The following LRRC69 variants were observed in gnomAD, a reference collection of about 807,000 sequenced individuals.
LRRC69 encodes leucine rich repeat containing 69.
A neutral mutation model predicts 37.8 loss-of-function variants in LRRC69; 42 were observed. That is an observed-to-expected ratio of 1.11 (90% confidence interval 0.87 to 1.44). The LOEUF (loss-of-function observed/expected upper bound fraction) is 1.44, where lower values mean the gene tolerates loss of function less well. Ranked by LOEUF, LRRC69 falls within the 40% of genes most tolerant of loss-of-function variation. LRRC69 has a pLI of 0.00. For missense variants in LRRC69, 357 were observed against 401.9 expected (o/e 0.89, Z 0.96); for synonymous variants, 141 against 143.1 (o/e 0.99, Z 0.11).
intron 5 of LRRC69, among the ~76,000 whole-genome samples, chr8:91,140,489 C>G (rs1808512571): frequency 6.6e-6 from 1 of 151,690 alleles, no homozygotes; most frequent in Non-Finnish European, 1.5e-5. Context: ...AGAGACTACA[C>G]TTTATTGTTT....
At chr8:91,210,230 T>G (rs1809883890) in intron 7 of LRRC69, among the ~76,000 whole-genome samples, 1 of 152,218 alleles carries the variant, frequency 6.6e-6, no homozygotes, top group Non-Finnish European at 1.5e-5. Flanking sequence ...TTAAGTAGTT[T>G]GTTCACAAAT....
At chr8:91,192,314 A>C (rs528183284) in intron 6 of LRRC69, among the ~76,000 whole-genome samples, 1 of 152,190 alleles carries the variant, frequency 6.6e-6, no homozygotes, top group African/African-American at 2.4e-5. Flanking sequence ...ATACGTGTGC[A>C]TGTGTCTTTA....
intron 5 of LRRC69, among the ~76,000 whole-genome samples, chr8:91,172,127 G>A (rs1482241153): frequency 1.3e-5 from 2 of 151,758 alleles, no homozygotes; most frequent in Non-Finnish European, 2.9e-5. Flanking sequence ...TGGCTATTTA[G>A]CCTTGATATA....
chr8:91,140,542 A>G (rs995940854), intron 5 of LRRC69, among the ~76,000 whole-genome samples: 4 of 151,864 alleles, frequency 2.6e-5, no homozygotes, highest in African/African-American at 4.8e-5. Context: ...AAAAAATTCA[A>G]TGTATACTGC....
intron 5 of LRRC69, among the ~76,000 whole-genome samples, chr8:91,159,045 A>T (rs960621357): frequency 6.6e-6 from 1 of 151,180 alleles, no homozygotes; most frequent in African/African-American, 2.4e-5. Context: ...GCATTTAAAA[A>T]AAGATCTATG....
intron 5 of LRRC69, chr8:91,158,076 A>C: frequency 6.9e-7 from 1 of 1,439,610 alleles, no homozygotes; most frequent in Non-Finnish European, 9.8e-7. Context: ...TACTCAATAC[A>C]TGCCCATGGG....
intron 5 of LRRC69, among the ~76,000 whole-genome samples, chr8:91,159,798 C>A (rs937648253): frequency 2.6e-5 from 4 of 151,080 alleles, no homozygotes; most frequent in African/African-American, 9.7e-5. Context: ...ATAGAGAAAT[C>A]TGGAAAAATC....
intron 6 of LRRC69, among the ~76,000 whole-genome samples, chr8:91,196,204 C>T (rs182499695): frequency 0.015 from 2,349 of 151,932 alleles, 90 homozygotes; most frequent in African/African-American, 0.053. Context: ...GGGTTTCTCC[C>T]GAGAGATCTG....
At chr8:91,179,663 T>A (rs549137158) in intron 5 of LRRC69, among the ~76,000 whole-genome samples, 10 of 152,384 alleles carry the variant, frequency 6.6e-5, no homozygotes, top group African/African-American at 2.4e-4. Flanking sequence ...CTTTTGACCC[T>A]AGGCATTCAC....
intron 1 of LRRC69, among the ~76,000 whole-genome samples, chr8:91,113,310 AAAATATATTAC>A (rs1017410301): frequency 2.0e-5 from 3 of 152,096 alleles, no homozygotes; most frequent in African/African-American, 7.2e-5. Flanking sequence ...TCCTGATTTC[AAAATATATTAC>A]AAAGCCACAG....
chr8:91,209,164 T>A (rs1165494434), intron 7 of LRRC69, among the ~76,000 whole-genome samples: 1 of 152,142 alleles, frequency 6.6e-6, no homozygotes, highest in Admixed American at 6.5e-5. Context: ...TGGTGGCTCA[T>A]GCCTGTAATC....
At position 91,192,176 on chromosome 8, in the gene LRRC69, C is replaced by A. The variant is rs1169796649; in HGVS notation, c.753+2553C>A. ...CATGTCCCTACAAAGGACATGAACT[C>A]ATCCTTTTTTATGAATGCATAGTAT... On this transcript the variant is annotated intron_variant, in intron 6 of 7. Transcript: ENST00000448384. Among the ~76,000 whole-genome samples the A allele has an allele frequency of 8.3e-4, 126 of 152,234 alleles. 1 individual carries two copies. The highest frequency in any genetic ancestry group is 1.3e-4 in the Non-Finnish European group (9 of 68,024).
chr8:91,187,553 A>G (rs1431041482), intron 5 of LRRC69, among the ~76,000 whole-genome samples: 1 of 152,230 alleles, frequency 6.6e-6, no homozygotes, highest in East Asian at 1.9e-4. Context: ...GCCACCACTA[A>G]TATGTAGATT....
At position 91,133,094 on chromosome 8, in the gene LRRC69, G is replaced by GTTTT; in HGVS notation, c.384-6_384-3dup. The stretch of plus-strand genomic sequence containing the variant: ...GTGAGTTTCATTCATATACTTTGGT[G>GTTTT]TTTTTTTTTTTTTAGATTAAAAAGT... On this transcript the variant is annotated splice_polypyrimidine_tract_variant and intron_variant, in intron 3 of 7. Coordinates refer to ENST00000448384, the Ensembl canonical transcript of LRRC69. 3.4e-6 allele frequency: 4 copies of GTTTT among 1,160,600 alleles called. No homozygotes were observed. Among genetic ancestry groups the GTTTT allele is most frequent in the Non-Finnish European group, 4.6e-6 (4 of 861,410 alleles). The allele number at this position is 1,160,600 out of a possible 1,614,324, so 71.9% of individuals were successfully genotyped here. A position where few individuals can be genotyped will look rare whatever the true frequency, so the allele number is the denominator to read the frequency against.
At chr8:91,149,697 T>C (rs1311352071) in intron 5 of LRRC69, among the ~76,000 whole-genome samples, 2 of 152,110 alleles carry the variant, frequency 1.3e-5, no homozygotes, top group South Asian at 2.1e-4. Flanking sequence ...TTTCATGATA[T>C]TGATTCTTCC....
At chr8:91,168,487 A>G (rs1317922470) in intron 5 of LRRC69, among the ~76,000 whole-genome samples, 1 of 151,890 alleles carries the variant, frequency 6.6e-6, no homozygotes, top group Non-Finnish European at 1.5e-5. Context: ...TGTTTTTCCT[A>G]TAAATTGGAC....
At chr8:91,143,117 A>C (rs996713271) in intron 5 of LRRC69, among the ~76,000 whole-genome samples, 1 of 152,100 alleles carries the variant, frequency 6.6e-6, no homozygotes, top group Non-Finnish European at 1.5e-5. Context: ...TGCCACGGAC[A>C]AAACTTCTTA....
intron 7 of LRRC69, 28 bp from the exon 8 acceptor site, chr8:91,218,862 A>C (rs1217238432): frequency 7.0e-7 from 1 of 1,426,944 alleles, no homozygotes; most frequent in Non-Finnish European, 9.6e-7. Flanking sequence ...ACACTGCCTA[A>C]ATTTTATTTT....
intron 1 of LRRC69, among the ~76,000 whole-genome samples, chr8:91,124,077 G>A (rs181421914): frequency 1.3e-5 from 2 of 152,030 alleles, no homozygotes; most frequent in Admixed American, 1.3e-4. Context: ...ATGTCAGGAG[G>A]ACCTCAGATC....
Sources: allele counts gnomAD v4.1 joint callset (sites outside exome capture counted in the v4.1 genomes callset), GRCh38; gene constraint gnomAD v4.1.1; transcripts MANE v1.5; gene names NCBI Gene and HGNC (gene_info 2026-07-23, HGNC 2026-07-21).